Variants in ATP10A observed in about 807,000 individuals in gnomAD.
ATP10A encodes the protein phospholipid-transporting ATPase VA.
Under a neutral mutation model 147.8 loss-of-function variants are expected in ATP10A, and 111 were observed. The ratio of observed to expected loss-of-function variants is 0.75; its 90% confidence interval spans 0.64 to 0.88. The LOEUF (loss-of-function observed/expected upper bound fraction) is 0.88. Ranked by LOEUF, ATP10A falls within the 40% of genes least tolerant of loss-of-function variation. The pLI is 0.00. For synonymous variants in ATP10A, 875 were observed against 841.6 expected, an observed-to-expected ratio of 1.04 and a Z score of -0.69; for missense variants, 1,927 against 1,959.0, an observed-to-expected ratio of 0.98 and a Z score of 0.31.
intron 2 of ATP10A, among the ~76,000 whole-genome samples, chr15:25,748,637 C>T (rs972061491): frequency 1.3e-5 from 2 of 151,500 alleles, no homozygotes; most frequent in African/African-American, 4.9e-5. Context: ...GGAGTCCTTG[C>T]CACTGCAATT....
chr15:25,781,274 G>A (rs779458576), intron 1 of ATP10A, 51 bp from the exon 2 acceptor site: 7 of 1,508,004 alleles, frequency 4.6e-6, no homozygotes, highest in African/African-American at 4.1e-5. Context: ...GGTCGTGGCT[G>A]GATCTGGGTG....
chr15:25,793,599 G>T (rs570684311), intron 1 of ATP10A, among the ~76,000 whole-genome samples: 2 of 152,142 alleles, frequency 1.3e-5, no homozygotes, highest in African/African-American at 2.4e-5. Flanking sequence ...ACCCTCTTCC[G>T]CTCCCTGGCA....
intron 2 of ATP10A, 85 bp from the exon 3 acceptor site, chr15:25,736,226 C>T (rs547735259): frequency 5.7e-6 from 6 of 1,057,534 alleles, no homozygotes; most frequent in East Asian, 2.5e-5. Flanking sequence ...GTCTCGCATC[C>T]GCGGCAGGCA....
chr15:25,734,104 C>T (rs559294557), intron 3 of ATP10A, among the ~76,000 whole-genome samples: 1 of 152,320 alleles, frequency 6.6e-6, no homozygotes, highest in African/African-American at 2.4e-5. Context: ...AGACTCCTGT[C>T]CTCACCACAC....
downstream of ATP10A, among the ~76,000 whole-genome samples, chr15:25,673,664 C>A (rs1899085064): frequency 6.6e-6 from 1 of 152,210 alleles, no homozygotes; most frequent in Non-Finnish European, 1.5e-5. Context: ...CCAGAGAAGG[C>A]CTTGCATGCC....
At chr15:25,761,564 C>A (rs917951571) in intron 2 of ATP10A, among the ~76,000 whole-genome samples, 15 of 152,340 alleles carry the variant, frequency 9.8e-5, no homozygotes, top group African/African-American at 3.6e-4. Context: ...GTGGAGCTAT[C>A]CAAGGCCATG....
intron 2 of ATP10A, chr15:25,738,752 C>T (rs904914618): frequency 2.0e-5 from 3 of 152,220 alleles, no homozygotes; most frequent in Non-Finnish European, 2.9e-5. Context: ...CCATTCTGAT[C>T]GTCATCACCA....
At chr15:25,755,822 T>A (rs967410482) in intron 2 of ATP10A, among the ~76,000 whole-genome samples, 2 of 152,232 alleles carry the variant, frequency 1.3e-5, no homozygotes, top group African/African-American at 4.8e-5. Context: ...TAAACCTGTC[T>A]TTAAAATACA....
rs149701062 is a variant in ATP10A at position 25,794,639 on chromosome 15, C to T, written c.450-13416G>A. On this transcript the variant is annotated intron_variant, in intron 1 of 20. Coordinates refer to ENST00000555815, the MANE Select transcript of ATP10A (RefSeq NM_024490.4). ...TTGTGAATCCCGGCTTGGAAGCCGA[C>T]GTCAATTTTCCCAGTCAAGCATCAA... Among the ~76,000 whole-genome samples the T allele has an allele frequency of 3.6e-4, 55 of 152,322 alleles. No individual in the cohort carries two copies. The East Asian group carries it at 0.01, about 28-fold the overall frequency.
intron 1 of ATP10A, among the ~76,000 whole-genome samples, chr15:25,835,096 C>A (rs751519442): frequency 9.9e-5 from 15 of 152,024 alleles, no homozygotes; most frequent in Non-Finnish European, 1.6e-4. Context: ...GACCCAGTCT[C>A]TACCAAAATT....
At chr15:25,855,227 T>G (rs1893462343) in intron 1 of ATP10A, among the ~76,000 whole-genome samples, 1 of 152,102 alleles carries the variant, frequency 6.6e-6, no homozygotes, top group Non-Finnish European at 1.5e-5. Context: ...TGCAAAATTC[T>G]CCAACACATT....
At chr15:25,727,022 A>G (rs914647788) in intron 4 of ATP10A, 138 bp downstream of exon 4, 3 of 607,164 alleles carry the variant, frequency 4.9e-6, no homozygotes, top group Non-Finnish European at 5.6e-6. Context: ...GCGCCACTGC[A>G]CTCCAGCCTG....
chr15:25,744,857 A>G (rs1887759015), intron 2 of ATP10A, among the ~76,000 whole-genome samples: 1 of 152,216 alleles, frequency 6.6e-6, no homozygotes, highest in African/African-American at 2.4e-5. Flanking sequence ...GAAGAAAAAG[A>G]GAGAGAGAAT....
intron 12 of ATP10A, among the ~76,000 whole-genome samples, chr15:25,704,215 T>C (rs529390518): frequency 3.9e-4 from 59 of 151,394 alleles, no homozygotes; most frequent in African/African-American, 1.4e-3. Flanking sequence ...CCTTCCTCTG[T>C]GTGTTCATAG....
At chr15:25,745,241 ACTTGAACCCAGGAGGCGGAGGTTGCAG>A (rs957073453) in intron 2 of ATP10A, among the ~76,000 whole-genome samples, 2 of 151,932 alleles carry the variant, frequency 1.3e-5, no homozygotes, top group African/African-American at 4.8e-5. Context: ...CAGGAGAATC[ACTTGAACCCAGGAGGCGGAGGTTGCAG>A]CTTGAACCCA....
At chr15:25,855,607 CA>C (rs1424943103) in intron 1 of ATP10A, among the ~76,000 whole-genome samples, 1 of 151,172 alleles carries the variant, frequency 6.6e-6, no homozygotes, top group Non-Finnish European at 1.5e-5. Flanking sequence ...TACTTAATGG[CA>C]AAAAAGCATG....
chr15:25,702,318 GC>G (rs1289006298), intron 12 of ATP10A, among the ~76,000 whole-genome samples: 1 of 152,208 alleles, frequency 6.6e-6, no homozygotes, highest in African/African-American at 2.4e-5. Flanking sequence ...GCTTTTGACA[GC>G]TCTGTCGATG....
intron 1 of ATP10A, among the ~76,000 whole-genome samples, chr15:25,804,209 TGC>T (rs1246962981): frequency 6.6e-6 from 1 of 151,746 alleles, no homozygotes; most frequent in East Asian, 1.9e-4. Flanking sequence ...GGTATGTGTG[TGC>T]ATCTGTGTGT....
At chr15:25,744,350 ATG>A (rs1201585701) in intron 2 of ATP10A, among the ~76,000 whole-genome samples, 1 of 152,276 alleles carries the variant, frequency 6.6e-6, no homozygotes, top group African/African-American at 2.4e-5. Flanking sequence ...GTGCACATGT[ATG>A]TGTGTGTGCA....
Sources: gnomAD v4.1 joint callset for allele counts (sites outside exome capture counted in the v4.1 genomes callset) on GRCh38, gnomAD v4.1.1 for gene constraint, MANE v1.5 for transcripts, NCBI Gene and HGNC (gene_info 2026-07-23, HGNC 2026-07-21) for gene names.